Variants in DNAJC6 observed in about 807,000 individuals in gnomAD.
DNAJC6 encodes the protein auxilin.
In DNAJC6, 34 loss-of-function variants were observed where a neutral mutation model predicts 110.0. The ratio of observed to expected loss-of-function variants is 0.31; its 90% CI spans 0.24 to 0.41. The LOEUF is 0.41. DNAJC6 is among the 10% of genes least tolerant of loss of function. The pLI, the probability that DNAJC6 is intolerant of heterozygous loss-of-function variation, is 1.00. For missense variants in DNAJC6, 1,031 were observed against 1,207.8 expected (o/e 0.85, Z 2.17); for synonymous variants, 406 against 437.2 (o/e 0.93, Z 0.89).
intron 8 of DNAJC6, among the ~76,000 whole-genome samples, chr1:65,387,700 A>C (rs754108734): frequency 3.8e-4 from 58 of 152,340 alleles, no homozygotes; most frequent in Non-Finnish European, 7.5e-4. Context: ...AATCTCAGTT[A>C]ATAATCATCA....
At chr1:65,348,413 G>A (rs1027194071) in intron 1 of DNAJC6, among the ~76,000 whole-genome samples, 4 of 151,962 alleles carry the variant, frequency 2.6e-5, no homozygotes, top group African/African-American at 7.3e-5. Context: ...TGTGATTGTG[G>A]GTTTGTCCCT....
At chr1:65,298,270 T>C (rs1035957302) in intron 1 of DNAJC6, among the ~76,000 whole-genome samples, 1 of 152,180 alleles carries the variant, frequency 6.6e-6, no homozygotes, top group African/African-American at 2.4e-5. Flanking sequence ...AGATTACAAC[T>C]AGTACTTGAA....
chr1:65,267,964 C>T (rs1363300168), intron 1 of DNAJC6, among the ~76,000 whole-genome samples: 1 of 151,818 alleles, frequency 6.6e-6, no homozygotes, highest in Non-Finnish European at 1.5e-5. Flanking sequence ...TCCCAAATTA[C>T]CAGTTGGTGT....
intron 1 of DNAJC6, among the ~76,000 whole-genome samples, chr1:65,286,335 C>G (rs181155255): frequency 4.1e-4 from 62 of 152,190 alleles, no homozygotes; most frequent in African/African-American, 1.5e-3. Context: ...CGACCTCAAC[C>G]ACTGTGGCAC....
chr1:65,408,384 A>C (rs1201422919), intron 16 of DNAJC6, among the ~76,000 whole-genome samples: 3 of 152,148 alleles, frequency 2.0e-5, no homozygotes, highest in Admixed American at 6.5e-5. Flanking sequence ...GTACAGTGGA[A>C]ATGGAATTGG....
intron 1 of DNAJC6, among the ~76,000 whole-genome samples, chr1:65,290,179 G>T (rs1644853921): frequency 6.6e-6 from 1 of 152,136 alleles, no homozygotes. Context: ...TCAAGATAAA[G>T]GTGCCAGCAG....
In DNAJC6 at chr1:65,309,827, T is replaced by G; in HGVS notation, c.82T>G (p.Leu28Val). The change falls in exon 1 of 19, where the codon TTA becomes GTA. Residue 28 changes from leucine (L) to valine (V), a missense_variant. By Grantham distance (32) the Leu-to-Val change is conservative. Coordinates refer to ENST00000371069, the MANE Select transcript of DNAJC6 (RefSeq NM_001256864.2). ...GCAGCTGGTGGACAGTAACGGGGAC[T>G]TAAGTGCGGGAAGCGGCGGGGTTGG... ...SLQLVDSNGD[L>V]SAGSGGVGGK... is the part of the protein sequence containing the mutation. 1.3e-6 allele frequency: 2 copies of G among 1,549,268 alleles called. No individual in the cohort carries two copies. Among genetic ancestry groups the G allele is most frequent in the Admixed American group, 2.0e-5 (1 of 50,942 alleles).
chr1:65,390,553 C>T (rs1346149367), intron 11 of DNAJC6, among the ~76,000 whole-genome samples: 1 of 152,200 alleles, frequency 6.6e-6, no homozygotes, highest in Non-Finnish European at 1.5e-5. Flanking sequence ...CATTGGCTAT[C>T]CTTGCTTTAG....
At chr1:65,281,361 A>C (rs1485176115) in intron 1 of DNAJC6, among the ~76,000 whole-genome samples, 1 of 152,198 alleles carries the variant, frequency 6.6e-6, no homozygotes, top group Non-Finnish European at 1.5e-5. Context: ...AAGGTTGTAC[A>C]GTCATCACTA....
At chr1:65,356,315 T>C (rs915237626) in intron 1 of DNAJC6, among the ~76,000 whole-genome samples, 3 of 152,134 alleles carry the variant, frequency 2.0e-5, no homozygotes, top group Admixed American at 2.0e-4. Context: ...CTCATAACTG[T>C]AATTCCAGCA....
intron 7 of DNAJC6, 47 bp from the exon 8 acceptor site, chr1:65,386,765 A>G (rs1450750322): frequency 2.0e-6 from 3 of 1,480,980 alleles, no homozygotes; most frequent in Admixed American, 3.3e-5. Flanking sequence ...GTGTGATTGT[A>G]CCAGATTGGA....
intron 1 of DNAJC6, among the ~76,000 whole-genome samples, chr1:65,325,360 A>G (rs1188906015): frequency 1.3e-5 from 2 of 152,252 alleles, no homozygotes; most frequent in East Asian, 1.9e-4. Context: ...ATTGTGGTTA[A>G]GAACTCAGAT....
intron 1 of DNAJC6, among the ~76,000 whole-genome samples, chr1:65,266,506 G>T (rs142450213): frequency 2.6e-5 from 4 of 152,146 alleles, no homozygotes; most frequent in Admixed American, 6.5e-5. Context: ...CAGCCTTAGT[G>T]GGGAAGAAAA....
In DNAJC6 at chr1:65,309,677, C is replaced by T; in HGVS notation, c.-69C>T. 1 of 1,516,142 alleles carries T rather than the reference C, an allele frequency of 6.6e-7. No homozygotes were observed. Among genetic ancestry groups the T allele is most frequent in the South Asian group, 1.3e-5 (1 of 79,952 alleles). 93.9% of individuals were successfully genotyped at this position (1,516,142 alleles called of 1,614,324 possible). On this transcript the variant is annotated 5_prime_UTR_variant, in exon 1 of 19. Transcript: ENST00000371069. ...TTTTTTTTTTTAATTCCTTCTTCAG[C>T]CCTTTCCACCTTCCATCTCCCTTTT...
chr1:65,313,771 T>C (rs1645124036), intron 1 of DNAJC6, among the ~76,000 whole-genome samples: 2 of 152,232 alleles, frequency 1.3e-5, no homozygotes, highest in Non-Finnish European at 2.9e-5. Context: ...AGCAGTCTCC[T>C]AGCCAGATGT....
intron 18 of DNAJC6, 61 bp from the exon 19 acceptor site, chr1:65,412,863 A>AT: frequency 2.1e-6 from 3 of 1,404,546 alleles, no homozygotes; most frequent in Non-Finnish European, 3.0e-6. Context: ...GCAGTGAAAA[A>AT]TTTAATATTA....
chr1:65,408,691 T>G lies in DNAJC6; in HGVS notation c.2542T>G (p.Phe848Val), dbSNP rs1473032890. 1 of 1,614,016 alleles carries G rather than the reference T, an allele frequency of 6.2e-7. No individual in the cohort carries two copies. The highest frequency in any genetic ancestry group is 2.2e-5 in the East Asian group (1 of 44,876). Residue 848 changes from phenylalanine (F) to valine (V), a missense_variant, in exon 17 of 19, where the codon TTC becomes GTC. Phe to Val is a conservative substitution (Grantham distance 50, BLOSUM62 -1). Coordinates refer to ENST00000371069, the MANE Select transcript of DNAJC6 (RefSeq NM_001256864.2). The stretch of plus-strand genomic sequence containing the variant: ...TGAAGACCTACTCTCTGGTCAAGGT[T>G]TCAATGCTCACAAAGACAAAAAGGG... The part of the protein sequence containing the change: ...DFEDLLSGQG[F>V]NAHKDKKGPR...
At chr1:65,287,510 G>A (rs577542215) in intron 1 of DNAJC6, among the ~76,000 whole-genome samples, 7 of 152,036 alleles carry the variant, frequency 4.6e-5, no homozygotes, top group Non-Finnish European at 8.8e-5. Flanking sequence ...TTAGACTTTG[G>A]AGACTAGGTC....
In DNAJC6 at chr1:65,309,907, T is replaced by A; in HGVS notation, c.162T>A (p.Pro54=). ...GAAARSPARQ[P]PDRASTMDSS... ...CGGCGCGGAGTCCCGCCCGACAGCC[T>A]CCGGACCGCGCCAGCACCATGGACA... Residue 54 remains proline (P), a synonymous_variant, in exon 1 of 19, where the codon CCT becomes CCA. Coordinates refer to ENST00000371069, the MANE Select transcript of DNAJC6 (RefSeq NM_001256864.2). The A allele has an allele frequency of 6.5e-7, 1 of 1,537,224 alleles. No homozygotes were observed. The highest frequency in any genetic ancestry group is 2.0e-5 in the Admixed American group (1 of 50,240).
Sources: gnomAD v4.1 joint callset for allele counts (sites outside exome capture counted in the v4.1 genomes callset) on GRCh38, gnomAD v4.1.1 for gene constraint, MANE v1.5 for transcripts, NCBI Gene and HGNC (gene_info 2026-07-23, HGNC 2026-07-21) for gene names.